The following CCDC62 variants were observed in gnomAD, a reference collection of about 807,000 sequenced individuals.
CCDC62 encodes the protein coiled-coil domain-containing protein 62.
In CCDC62, 72 loss-of-function variants were observed where a neutral mutation model predicts 80.8. The ratio of observed to expected loss-of-function variants is 0.89; its 90% CI spans 0.74 to 1.08. CCDC62 has a LOEUF of 1.08. Ranked by LOEUF, CCDC62 falls within the 50% of genes least tolerant of loss-of-function variation. The pLI, the probability that CCDC62 is intolerant of heterozygous loss-of-function variation, is 0.00. For synonymous variants in CCDC62, 286 were observed against 296.5 expected, an observed-to-expected ratio of 0.96 and a Z score of 0.36; for missense variants, 704 against 809.4, an observed-to-expected ratio of 0.87 and a Z score of 1.58.
chr12:122,803,886 T>G (rs1160778952), intron 9 of CCDC62, among the ~76,000 whole-genome samples: 1 of 152,164 alleles, frequency 6.6e-6, no homozygotes, highest in African/African-American at 2.4e-5. Context: ...AAATTTAACG[T>G]ATGAAATAAG....
At chr12:122,799,774 G>T (rs1023943473) in intron 8 of CCDC62, among the ~76,000 whole-genome samples, 1 of 152,210 alleles carries the variant, frequency 6.6e-6, no homozygotes, top group East Asian at 1.9e-4. Context: ...GTTGAGAGCA[G>T]CAGGGCTTAG....
At position 122,798,089 on chromosome 12, in the gene CCDC62, A is replaced by G; in HGVS notation, c.866A>G (p.Tyr289Cys). Reference sequence around the variant, plus strand: ...ATTTGTCAATATCTATGACAGATTTATGTAAAACAACAGAGTGATCTGCAG... The same window carrying G: ...ATTTGTCAATATCTATGACAGATTTGTGTAAAACAACAGAGTGATCTGCAG... ...NSELHNLRQI[Y>C]VKQQSDLQFL... The change falls in exon 8 of 13, where the codon TAT becomes TGT. Residue 289 changes from tyrosine to cysteine, a missense_variant. Tyr to Cys is a radical substitution (Grantham distance 194). Transcript: ENST00000253079. The G allele has an allele frequency of 4.2e-6, 6 of 1,424,998 alleles. No homozygotes were observed. 88.3% of individuals were successfully genotyped at this position (1,424,998 alleles called of 1,614,324 possible).
At chr12:122,807,691 A>C (rs1002607604) in intron 10 of CCDC62, among the ~76,000 whole-genome samples, 2 of 152,086 alleles carry the variant, frequency 1.3e-5, no homozygotes, top group Non-Finnish European at 2.9e-5. Context: ...ACCACACATT[A>C]GTCTGTATGT....
chr12:122,823,985 CA>C (rs970442818), intron 12 of CCDC62, among the ~76,000 whole-genome samples: 26 of 141,200 alleles, frequency 1.8e-4, no homozygotes, highest in Admixed American at 2.9e-4. Flanking sequence ...GACTCCGTCT[CA>C]AAAAAAAAAA....
intron 10 of CCDC62, among the ~76,000 whole-genome samples, chr12:122,806,877 AAAAC>A (rs1263621134): frequency 7.2e-5 from 11 of 151,862 alleles, no homozygotes; most frequent in African/African-American, 2.7e-4. Flanking sequence ...AAGAAAAAGA[AAAAC>A]AAACCACAAG....
chr12:122,820,310 C>T (rs1444637918), intron 11 of CCDC62, among the ~76,000 whole-genome samples: 1 of 152,114 alleles, frequency 6.6e-6, no homozygotes, highest in African/African-American at 2.4e-5. Context: ...TAAGGGGAAG[C>T]GCACAGCTGA....
At chr12:122,783,271 A>G (rs1397180963) in intron 3 of CCDC62, among the ~76,000 whole-genome samples, 3 of 139,618 alleles carry the variant, frequency 2.1e-5, no homozygotes, top group Non-Finnish European at 3.1e-5. Flanking sequence ...TCTGTCGCCC[A>G]GGCTGGAGTG....
chr12:122,827,376 G>A lies in CCDC62; in HGVS notation c.*995G>A, dbSNP rs1314145275. Reference sequence around the variant, plus strand: ...TATTGTGCTGAATAAATGCCCCTTTGTTAACAGGTCTCAGTGTTACTTCAG... The same window carrying A: ...TATTGTGCTGAATAAATGCCCCTTTATTAACAGGTCTCAGTGTTACTTCAG... On this transcript the variant is annotated 3_prime_UTR_variant, in exon 13 of 13. Coordinates refer to ENST00000253079, the MANE Select transcript of CCDC62 (RefSeq NM_201435.5). 6.6e-6 allele frequency: 1 copy of A among 152,108 alleles called. No homozygotes were observed. Among genetic ancestry groups the A allele is most frequent in the Non-Finnish European group, 1.5e-5 (1 of 68,024 alleles). The allele number at this position is 152,108 out of a possible 1,614,324, so 9.4% of individuals were successfully genotyped here.
chr12:122,777,540 A>G lies in CCDC62; in HGVS notation c.86A>G (p.Glu29Gly), dbSNP rs527635619. Residue 29 changes from glutamate (E) to glycine (G), a missense_variant, in exon 2 of 13, where the codon GAG (glutamate) becomes GGG (glycine). By Grantham distance (98) the Glu-to-Gly change is moderately conservative. Coordinates refer to ENST00000253079, the MANE Select transcript of CCDC62 (RefSeq NM_201435.5). The part of the protein sequence containing the change: ...EISTIEKQRK[E>G]LQLLIGELKD... The stretch of plus-strand genomic sequence containing the variant: ...TCCACTATCGAGAAACAACGGAAGG[A>G]GCTGCAGTTGCTCATTGGAGAATTA... 1.2e-6 allele frequency: 2 copies of G among 1,614,180 alleles called. No homozygotes were observed. The highest frequency in any genetic ancestry group is 1.1e-5 in the South Asian group (1 of 91,082).
At chr12:122,778,740 A>C (rs1208366854) in intron 2 of CCDC62, among the ~76,000 whole-genome samples, 1 of 152,016 alleles carries the variant, frequency 6.6e-6, no homozygotes, top group African/African-American at 2.4e-5. Flanking sequence ...TTAGCGGGGC[A>C]TGGTGGTGGG....
intron 9 of CCDC62, among the ~76,000 whole-genome samples, chr12:122,804,520 C>T (rs2031480012): frequency 6.6e-6 from 1 of 152,036 alleles, no homozygotes; most frequent in Non-Finnish European, 1.5e-5. Flanking sequence ...TGAGGTGGCT[C>T]ATGCCTGTAA....
At chr12:122,789,068 A>G in intron 5 of CCDC62, 139 bp downstream of exon 5, 1 of 630,844 alleles carries the variant, frequency 1.6e-6, no homozygotes, top group Non-Finnish European at 2.6e-6. Context: ...CATTTCATTT[A>G]TATAGGATTA....
intron 9 of CCDC62, among the ~76,000 whole-genome samples, chr12:122,804,644 TAAAG>T (rs2031485767): frequency 1.3e-5 from 2 of 151,776 alleles, no homozygotes; most frequent in African/African-American, 4.8e-5. Context: ...AATAAATAAA[TAAAG>T]CCATTAACAA....
chr12:122,807,529 C>CA (rs35131700), intron 10 of CCDC62, among the ~76,000 whole-genome samples: 82,081 of 104,654 alleles, frequency 0.78, 32,784 homozygotes, highest in Middle Eastern at 0.92. Context: ...GACTCTGTCT[C>CA]AAAAAAAAAA....
chr12:122,817,218 A>ATTTTTTTTTTT (rs71085859), intron 11 of CCDC62, among the ~76,000 whole-genome samples: 89 of 134,214 alleles, frequency 6.6e-4, no homozygotes, highest in South Asian at 3.1e-3. Context: ...CGCCTAGCTA[A>ATTTTTTTTTTT]TTTTTTTTTT....
Position 122,806,412 on chromosome 12 carries a change from T to G in CCDC62, c.1851+117T>G, listed in dbSNP as rs562345644. 1.5e-4 allele frequency: 103 copies of G among 706,838 alleles called. 1 individual carries two copies. The Middle Eastern group carries it at 2.9e-3, about 20-fold the overall frequency. 43.8% of individuals were successfully genotyped at this position (706,838 alleles called of 1,614,324 possible). On this transcript the variant is annotated intron_variant, in intron 10 of 12. Transcript: ENST00000253079. ...ATTTTGGCTATTCCTCCGTTTTTTT[T>G]TTTTTTTTTTTAATTCTAGGATTTT...
chr12:122,818,484 C>A, intron 11 of CCDC62, among the ~76,000 whole-genome samples: 1 of 147,744 alleles, frequency 6.8e-6, no homozygotes, highest in African/African-American at 2.5e-5. Context: ...ATTAACTGGA[C>A]GTGGTGACCC....
intron 11 of CCDC62, among the ~76,000 whole-genome samples, chr12:122,816,574 T>C (rs186694984): frequency 6.6e-6 from 1 of 151,896 alleles, no homozygotes; most frequent in Non-Finnish European, 1.5e-5. Flanking sequence ...AAATAAAAAA[T>C]TTTTTTTAAT....
Position 122,812,821 on chromosome 12 carries a change from AAG to A in CCDC62, c.1852-447_1852-446del, listed in dbSNP as rs370670059. 2.1e-3 allele frequency among the ~76,000 whole-genome samples: 310 copies of A among 149,190 alleles called. 1 individual carries two copies. Among genetic ancestry groups the A allele is most frequent in the African/African-American group, 6.4e-3 (255 of 39,728 alleles). ...AAAGAAAGAAAGAAAGAAAGAAAGA[AAG>A]AAAGAAAAGGAATGAATTTAGTTAT... On this transcript the variant is annotated intron_variant, in intron 10 of 12. Coordinates refer to ENST00000253079, the MANE Select transcript of CCDC62 (RefSeq NM_201435.5).
Sources: allele counts gnomAD v4.1 joint callset (sites outside exome capture counted in the v4.1 genomes callset), GRCh38; gene constraint gnomAD v4.1.1; transcripts MANE v1.5; gene names NCBI Gene and HGNC (gene_info 2026-07-23, HGNC 2026-07-21).